KCTD1: variants seen among roughly 807,000 people sequenced by gnomAD.
KCTD1 encodes the protein BTB/POZ domain-containing protein KCTD1.
In KCTD1, 24 loss-of-function variants were observed where a neutral mutation model predicts 66.0. The ratio of observed to expected loss-of-function variants is 0.36; its 90% CI spans 0.26 to 0.51. The LOEUF (loss-of-function observed/expected upper bound fraction) is 0.51. Ranked by LOEUF, KCTD1 falls within the 20% of genes least tolerant of loss-of-function variation. The pLI, the probability that KCTD1 is intolerant of heterozygous loss-of-function variation, is 0.95. For missense variants in KCTD1, 943 were observed against 1,205.2 expected (o/e 0.78, Z 3.22); for synonymous variants, 511 against 517.2 (o/e 0.99, Z 0.16).
intron 1 of KCTD1, among the ~76,000 whole-genome samples, chr18:26,534,289 TGTTTC>T (rs1288952269): frequency 6.6e-6 from 1 of 152,162 alleles, no homozygotes; most frequent in Admixed American, 6.5e-5. Flanking sequence ...CAGAAGTTTG[TGTTTC>T]ATTTTATTTT....
chr18:26,509,669 C>T (rs989312430), intron 1 of KCTD1, among the ~76,000 whole-genome samples: 1 of 152,106 alleles, frequency 6.6e-6, no homozygotes, highest in East Asian at 1.9e-4. Flanking sequence ...GTATCTAATA[C>T]ATTGAATAAA....
intron 1 of KCTD1, among the ~76,000 whole-genome samples, chr18:26,529,190 C>A (rs950999265): frequency 6.6e-6 from 1 of 152,156 alleles, no homozygotes; most frequent in African/African-American, 2.4e-5. Flanking sequence ...TCTGTTCACC[C>A]ACTACTGCCA....
intron 1 of KCTD1, among the ~76,000 whole-genome samples, chr18:26,581,952 A>C (rs1986363158): frequency 1.3e-5 from 2 of 152,148 alleles, no homozygotes; most frequent in Non-Finnish European, 2.9e-5. Context: ...CAAATCAATA[A>C]GATCAACAAC....
chr18:26,576,338 T>C (rs758646513), intron 1 of KCTD1, among the ~76,000 whole-genome samples: 2 of 152,224 alleles, frequency 1.3e-5, no homozygotes, highest in African/African-American at 2.4e-5. Flanking sequence ...AATGGATCCA[T>C]CATCCATATT....
upstream of KCTD1, chr18:26,549,024 CG>C (rs1417561704): frequency 3.1e-5 from 31 of 984,852 alleles, no homozygotes; most frequent in Non-Finnish European, 3.5e-5. Context: ...CCCCCGGAGC[CG>C]GGGGGTCGGG....
chr18:26,585,112 G>A (rs552531137), intron 1 of KCTD1, among the ~76,000 whole-genome samples: 2 of 152,206 alleles, frequency 1.3e-5, no homozygotes, highest in African/African-American at 4.8e-5. Context: ...CCAGGCTGGA[G>A]GTTGCTTTTG....
At position 26,548,422 on chromosome 18, in the gene KCTD1, C is replaced by G; in HGVS notation, c.115G>C (p.Gly39Arg). ...GERGEGERGA[G>R]GRGRRHSRPH... The stretch of plus-strand genomic sequence containing the variant: ...CGGCTGTGGCGGCGGCCGCGGCCCC[C>G]CGCGCCGCGCTCGCCCTCGCCCCGC... Residue 39 changes from glycine to arginine, a missense_variant, in exon 1 of 5, where the codon GGG (glycine) becomes CGG (arginine). This residue lies in a region of KCTD1 where 236 missense variants were observed against 206.6 expected (regional missense o/e 1.14). Transcript: ENST00000580059. 1 of 1,425,284 alleles carries G rather than the reference C, an allele frequency of 7.0e-7. No homozygotes were observed. Among genetic ancestry groups the G allele is most frequent in the Non-Finnish European group, 9.2e-7 (1 of 1,087,564 alleles). 88.3% of individuals were successfully genotyped at this position (1,425,284 alleles called of 1,614,324 possible). A position where few individuals can be genotyped will look rare whatever the true frequency, so the allele number is the denominator to read the frequency against.
chr18:26,558,116 T>C (rs1038340215), intron 1 of KCTD1, among the ~76,000 whole-genome samples: 54 of 152,210 alleles, frequency 3.5e-4, no homozygotes, highest in African/African-American at 1.3e-3. Flanking sequence ...TGCGTGTGTT[T>C]CCAAATCACC....
chr18:26,498,204 A>G (rs1256602341), intron 2 of KCTD1, among the ~76,000 whole-genome samples: 1 of 152,162 alleles, frequency 6.6e-6, no homozygotes, highest in Non-Finnish European at 1.5e-5. Context: ...CCGAGAACCA[A>G]TGAATCACAA....
chr18:26,545,258 A>G (rs1985155877), intron 1 of KCTD1: 1 of 152,196 alleles, frequency 6.6e-6, no homozygotes, highest in Non-Finnish European at 1.5e-5. Context: ...AAGGGTTTTT[A>G]CTGTATCAGA....
intron 1 of KCTD1, among the ~76,000 whole-genome samples, chr18:26,568,266 C>G (rs988494191): frequency 6.6e-6 from 1 of 152,028 alleles, no homozygotes; most frequent in African/African-American, 2.4e-5. Flanking sequence ...AAGACAGGGT[C>G]TCACTCTGTC....
chr18:26,561,332 G>A (rs1009108647), intron 1 of KCTD1, among the ~76,000 whole-genome samples: 1 of 152,156 alleles, frequency 6.6e-6, no homozygotes, highest in Non-Finnish European at 1.5e-5. Flanking sequence ...GGTGTTGTTT[G>A]AATTTTGCAA....
chr18:26,532,511 G>A (rs1984498409), intron 1 of KCTD1, among the ~76,000 whole-genome samples: 1 of 152,002 alleles, frequency 6.6e-6, no homozygotes, highest in African/African-American at 2.4e-5. Flanking sequence ...CAATCTTCTA[G>A]CCTCGGCTTC....
At chr18:26,474,669 T>A (rs765046377) in intron 3 of KCTD1, among the ~76,000 whole-genome samples, 1 of 152,246 alleles carries the variant, frequency 6.6e-6, no homozygotes, top group African/African-American at 2.4e-5. Context: ...CATAGATTTT[T>A]AAGATAGATC....
At chr18:26,654,888 G>A (rs1304803544) in intron 1 of KCTD1, among the ~76,000 whole-genome samples, 2 of 152,194 alleles carry the variant, frequency 1.3e-5, no homozygotes, top group African/African-American at 4.8e-5. Context: ...GAGTCAAACT[G>A]TTGCAGTCAG....
At chr18:26,650,508 G>A (rs1374360460) in intron 1 of KCTD1, among the ~76,000 whole-genome samples, 1 of 152,104 alleles carries the variant, frequency 6.6e-6, no homozygotes, top group Non-Finnish European at 1.5e-5. Context: ...AACAACTCTA[G>A]GACTATTATT....
chr18:26,523,287 T>A (rs79187410), intron 1 of KCTD1, among the ~76,000 whole-genome samples: 2,276 of 152,312 alleles, frequency 0.015, 103 homozygotes, highest in East Asian at 0.14. Context: ...TTTCTTTAGA[T>A]ACCTATTGAA....
chr18:26,620,982 G>A (rs980209960), intron 1 of KCTD1, among the ~76,000 whole-genome samples: 4 of 151,808 alleles, frequency 2.6e-5, no homozygotes, highest in South Asian at 2.1e-4. Context: ...ACAGGCGCCC[G>A]CCACCACGCC....
rs531539064 is a variant in KCTD1, at chr18:26,634,740, C to T, written c.-106-5503G>A. ...CATCTTGGTCCTTCTTTATTTTTAC[C>T]GAATTGAACTTCAGCCCTCTCTATT... On this transcript the variant is annotated intron_variant, in intron 1 of 5. Coordinates refer to the KCTD1 transcript ENST00000579973. Among the ~76,000 whole-genome samples the T allele has an allele frequency of 2.8e-4, 42 of 152,130 alleles. No individual in the cohort carries two copies. The South Asian group carries it at 5.8e-3, about 21-fold the overall frequency.
Sources: gnomAD v4.1 joint callset for allele counts (sites outside exome capture counted in the v4.1 genomes callset) on GRCh38, gnomAD v4.1.1 for gene constraint, gnomAD v4.1.1 regional missense constraint, MANE v1.5 for transcripts, NCBI Gene and HGNC (gene_info 2026-07-23, HGNC 2026-07-21) for gene names.